Variants in MERTK observed in about 807,000 individuals in gnomAD.
The protein encoded by MERTK is MER proto-oncogene, tyrosine kinase, also known as tyrosine-protein kinase Mer.
In MERTK, 69 loss-of-function variants were observed where a neutral mutation model predicts 99.3. The ratio of observed to expected loss-of-function variants is 0.70; its 90% CI spans 0.57 to 0.85. The LOEUF (loss-of-function observed/expected upper bound fraction) is 0.85. MERTK is among the 40% of genes least tolerant of loss of function. The probability of loss-of-function intolerance (pLI) is 0.00; values close to 1 mark genes in which losing one functional copy is unlikely to be tolerated. For missense variants in MERTK, 1,125 were observed against 1,249.4 expected, an observed-to-expected ratio of 0.90 and a Z score of 1.50; for synonymous variants, 426 against 467.6, an observed-to-expected ratio of 0.91 and a Z score of 1.15.
At chr2:112,000,066 A>G (rs1676837436) in intron 10 of MERTK, among the ~76,000 whole-genome samples, 1 of 152,180 alleles carries the variant, frequency 6.6e-6, no homozygotes, top group African/African-American at 2.4e-5. Context: ...GTATTGTCAC[A>G]AAGTCAATTG....
chr2:111,955,333 C>G (rs960973218), intron 4 of MERTK, among the ~76,000 whole-genome samples: 2 of 152,162 alleles, frequency 1.3e-5, no homozygotes, highest in Non-Finnish European at 2.9e-5. Flanking sequence ...CAAAGCCAAT[C>G]TCAAAGGTTA....
Position 111,968,115 on chromosome 2 carries a change from G to GTGTGTA in MERTK, c.845-17_845-16insATGTGT, listed in dbSNP as rs751328961. ...ATTGTGTTTGTGTGTGTATGTGTGT[G>GTGTGTA]TGTGTGTTTTGTTTTATGCAGCAAT... On this transcript the variant is annotated intron_variant, in intron 5 of 18. Transcript: ENST00000295408. The GTGTGTA allele has an allele frequency of 1.2e-5, 17 of 1,469,530 alleles. No homozygotes were observed. In the South Asian group the frequency reaches 1.6e-4, roughly 14 times the overall value. 91.0% of individuals were successfully genotyped at this position (1,469,530 alleles called of 1,614,324 possible). A position where few individuals can be genotyped will look rare whatever the true frequency, so the allele number is the denominator to read the frequency against.
At chr2:112,009,660 C>T (rs1677054205) in intron 14 of MERTK, among the ~76,000 whole-genome samples, 1 of 152,156 alleles carries the variant, frequency 6.6e-6, no homozygotes. Flanking sequence ...GTCACTACCC[C>T]TCAGACTCAG....
intron 2 of MERTK, among the ~76,000 whole-genome samples, chr2:111,939,948 G>A (rs1486966008): frequency 6.6e-6 from 1 of 151,836 alleles, no homozygotes; most frequent in South Asian, 2.1e-4. Flanking sequence ...TATTTATTTA[G>A]GAGATGCCTG....
At chr2:111,925,834 A>T (rs991787988) in intron 1 of MERTK, among the ~76,000 whole-genome samples, 1 of 106,462 alleles carries the variant, frequency 9.4e-6, no homozygotes, top group Non-Finnish European at 2.0e-5. Context: ...TATTTTTTTT[A>T]ATTTTTTTTT....
intron 1 of MERTK, among the ~76,000 whole-genome samples, chr2:111,918,866 T>C (rs1684403027): frequency 1.3e-5 from 2 of 152,154 alleles, no homozygotes; most frequent in Non-Finnish European, 1.5e-5. Flanking sequence ...AGAATTCAGG[T>C]ACTGGTGAGC....
chr2:111,940,817 G>C (rs1684850338), intron 2 of MERTK: 2 of 1,013,994 alleles, frequency 2.0e-6, no homozygotes, highest in African/African-American at 3.0e-5. Context: ...TGTCGATCTT[G>C]AATCTTTAAA....
rs1236547213 is a variant in MERTK at position 111,898,623 on chromosome 2, C to G, written c.-113C>G. On this transcript the variant is annotated 5_prime_UTR_variant, in exon 1 of 19. Coordinates refer to ENST00000295408, the MANE Select transcript of MERTK (RefSeq NM_006343.3). ...GGCTCCGCCACTCGGCACTCACTGCCCGGGCCGCCCGGACAGGGAGCTTCG... is the reference window on the plus strand; with the variant it reads ...GGCTCCGCCACTCGGCACTCACTGCGCGGGCCGCCCGGACAGGGAGCTTCG... 1 of 1,335,688 alleles carries G rather than the reference C, an allele frequency of 7.5e-7. No individual in the cohort carries two copies. The highest frequency in any genetic ancestry group is 1.5e-5 in the African/African-American group (1 of 67,740). 82.7% of individuals were successfully genotyped at this position (1,335,688 alleles called of 1,614,324 possible).
intron 8 of MERTK, among the ~76,000 whole-genome samples, chr2:111,987,162 A>G (rs189864686): frequency 5.3e-5 from 8 of 152,330 alleles, no homozygotes; most frequent in African/African-American, 1.9e-4. Flanking sequence ...ATTTCTCATT[A>G]TAACTGTAAT....
At chr2:111,906,708 G>A (rs1684143245) in intron 1 of MERTK, among the ~76,000 whole-genome samples, 1 of 152,218 alleles carries the variant, frequency 6.6e-6, no homozygotes, top group African/African-American at 2.4e-5. Context: ...TGAAGATTTG[G>A]TGATGAAAGC....
At chr2:111,950,722 T>G (rs1685039339) in intron 4 of MERTK, among the ~76,000 whole-genome samples, 1 of 152,160 alleles carries the variant, frequency 6.6e-6, no homozygotes, top group Admixed American at 6.5e-5. Flanking sequence ...GTCATGTCTC[T>G]TTTTTGGTGA....
chr2:111,982,213 C>T (rs1045030895), intron 7 of MERTK, among the ~76,000 whole-genome samples: 41 of 152,058 alleles, frequency 2.7e-4, no homozygotes, highest in Non-Finnish European at 4.7e-4. Context: ...TGTGCCATCA[C>T]ACCCAGCTAA....
At chr2:111,934,730 C>T (rs1235883935) in intron 2 of MERTK, among the ~76,000 whole-genome samples, 1 of 152,176 alleles carries the variant, frequency 6.6e-6, no homozygotes, top group Non-Finnish European at 1.5e-5. Flanking sequence ...AATTAGATCC[C>T]ATTTGTCAAT....
chr2:112,019,543 T>C, intron 16 of MERTK, 21 bp downstream of exon 16: 1 of 1,550,328 alleles, frequency 6.5e-7, no homozygotes, highest in Non-Finnish European at 8.9e-7. Context: ...TCGGCTATCC[T>C]GGAAGGGTTT....
chr2:112,015,287 G>T (rs1465613649), intron 15 of MERTK, among the ~76,000 whole-genome samples: 1 of 152,142 alleles, frequency 6.6e-6, no homozygotes, highest in Non-Finnish European at 1.5e-5. Flanking sequence ...ATTCTCACCA[G>T]CAGTGTGTGA....
intron 7 of MERTK, among the ~76,000 whole-genome samples, chr2:111,980,287 AG>A (rs1435868459): frequency 3.3e-5 from 5 of 152,106 alleles, no homozygotes; most frequent in Non-Finnish European, 7.4e-5. Flanking sequence ...TCCATTCTAC[AG>A]GTGCCCTAAG....
intron 4 of MERTK, among the ~76,000 whole-genome samples, chr2:111,963,854 C>T (rs1685303747): frequency 6.6e-6 from 1 of 151,966 alleles, no homozygotes; most frequent in Non-Finnish European, 1.5e-5. Context: ...TAGAATGTCC[C>T]ACAATTTAGA....
chr2:111,942,692 AT>A (rs1317428506), intron 2 of MERTK, among the ~76,000 whole-genome samples: 1 of 152,042 alleles, frequency 6.6e-6, no homozygotes. Flanking sequence ...CCAAAATTAT[AT>A]TGCTCCTACA....
chr2:111,922,340 G>C (rs1684475311), intron 1 of MERTK, among the ~76,000 whole-genome samples: 1 of 152,196 alleles, frequency 6.6e-6, no homozygotes. Context: ...AATCAAAGGA[G>C]CTCATGTTAG....
Sources: allele counts gnomAD v4.1 joint callset (sites outside exome capture counted in the v4.1 genomes callset), GRCh38; gene constraint gnomAD v4.1.1; transcripts MANE v1.5; gene names NCBI Gene and HGNC (gene_info 2026-07-23, HGNC 2026-07-21).